Variants in CDKL5 observed in about 807,000 individuals in gnomAD.
CDKL5 encodes the protein cyclin-dependent kinase-like 5.
CDKL5 carries 8 observed loss-of-function variants against 61.7 expected under a neutral mutation model. That is an observed-to-expected ratio of 0.13 (90% CI 0.08 to 0.23). The LOEUF (loss-of-function observed/expected upper bound fraction) is 0.23. Among genes scored for constraint, CDKL5 ranks in the 10% least tolerant of loss-of-function variants. The pLI is 1.00. For missense variants in CDKL5, 440 were observed against 734.5 expected (o/e 0.60, Z 4.63); for synonymous variants, 275 against 272.3 (o/e 1.01, Z -0.10).
intron 4 of CDKL5, among the ~76,000 whole-genome samples, chrX:18,573,725 A>G (rs1291805355): frequency 8.9e-6 from 1 of 111,840 alleles, no homozygotes; most frequent in Non-Finnish European, 1.9e-5. Context: ...TCTTGGTCCT[A>G]ATCTGTGTTC....
intron 3 of CDKL5, among the ~76,000 whole-genome samples, chrX:18,554,414 C>CTT (rs1352845700): frequency 1.1e-4 from 10 of 94,890 alleles, no homozygotes; most frequent in East Asian, 3.3e-4. Context: ...ATTTCACTGT[C>CTT]TTTTTTTTTT....
At chrX:18,500,416 C>T (rs762182451) in intron 1 of CDKL5, among the ~76,000 whole-genome samples, 1 of 111,999 alleles carries the variant, frequency 8.9e-6, no homozygotes, top group African/African-American at 3.2e-5. Context: ...CTAACGATTT[C>T]AAGAGCAAAC....
Position 18,650,592 on chromosome X carries a change from G to A in CDKL5, c.2980G>A (p.Gly994Arg), listed in dbSNP as rs866859766. Residue 994 changes from glycine (G) to arginine (R), a missense_variant and splice_region_variant, in exon 21 of 22, where the codon GGG becomes AGG. Transcript: ENST00000379989. ...TTTCAGCTGCCCAACCCAGCAATCC[G>A]GTAAGCAGAGACTCTAGACCGGTGG... The A allele has an allele frequency of 1.5e-5, 18 of 1,211,471 alleles. No individual in the cohort carries two copies. Among genetic ancestry groups the A allele is most frequent in the South Asian group, 1.1e-4 (6 of 57,032 alleles).
rs1927837042 is a variant in CDKL5 at position 18,647,541 on chromosome X, C to A, written c.2797+1451C>A. 16 of 435,670 alleles carry A rather than the reference C, an allele frequency of 3.7e-5. No individual in the cohort carries two copies. The South Asian group carries it at 5.5e-4, about 15-fold the overall frequency. 35.9% of individuals were successfully genotyped at this position (435,670 alleles called of 1,213,427 possible). ...AATGAAGGATGAAGTAAAGGAATTGCCATAGAGACTCAACAGCCTTTGTAA... is the reference window on the plus strand; with the variant it reads ...AATGAAGGATGAAGTAAAGGAATTGACATAGAGACTCAACAGCCTTTGTAA... On this transcript the variant is annotated intron_variant, in intron 20 of 21. Coordinates refer to the CDKL5 transcript ENST00000379989.
chrX:18,554,459 A>G (rs1445398823), intron 3 of CDKL5, among the ~76,000 whole-genome samples: 12 of 89,468 alleles, frequency 1.3e-4, no homozygotes, highest in African/African-American at 4.9e-4. Context: ...TCTGTCGCCC[A>G]GGCTGGAGTA....
intron 3 of CDKL5, among the ~76,000 whole-genome samples, chrX:18,555,330 AT>A (rs751601918): frequency 3.8e-4 from 42 of 111,558 alleles, no homozygotes; most frequent in Middle Eastern, 4.6e-3. Flanking sequence ...TACAGATTGT[AT>A]TTTTTTTAAG....
intron 3 of CDKL5, among the ~76,000 whole-genome samples, chrX:18,542,659 ATTTT>A (rs199564053): frequency 1.0e-5 from 1 of 95,963 alleles, no homozygotes; most frequent in African/African-American, 4.0e-5. Flanking sequence ...TAATATGATG[ATTTT>A]TTTTTTTTTT....
chrX:18,641,435 A>G (rs928742505), downstream of CDKL5: 4 of 117,626 alleles, frequency 3.4e-5, no homozygotes, highest in Non-Finnish European at 5.3e-5. Flanking sequence ...TTTGTCACGT[A>G]TAGCCTCTCA....
intron 4 of CDKL5, among the ~76,000 whole-genome samples, chrX:18,565,389 TTC>T (rs1402393084): frequency 7.1e-5 from 8 of 112,137 alleles, no homozygotes; most frequent in African/African-American, 2.6e-4. Flanking sequence ...GCTCTCTACT[TTC>T]TGTTCTTTCC....
chrX:18,611,362 G>C, intron 14 of CDKL5, among the ~76,000 whole-genome samples: 1 of 108,063 alleles, frequency 9.3e-6, no homozygotes, highest in East Asian at 2.9e-4. Context: ...GTGAACCCGG[G>C]AGGCGGAGCT....
downstream of CDKL5, among the ~76,000 whole-genome samples, chrX:18,643,829 A>AATATATAT (rs755520723): frequency 2.7e-4 from 29 of 105,876 alleles, no homozygotes; most frequent in African/African-American, 1.0e-3. Flanking sequence ...ATTCATAGCA[A>AATATATAT]ATATATATAT....
At chrX:18,498,113 A>G (rs1472628230) in intron 1 of CDKL5, among the ~76,000 whole-genome samples, 1 of 111,002 alleles carries the variant, frequency 9.0e-6, no homozygotes, top group Non-Finnish European at 1.9e-5. Flanking sequence ...AGCCTTCCAA[A>G]ATGCCGGGCT....
chrX:18,475,225 C>T (rs1298786548), intron 1 of CDKL5, among the ~76,000 whole-genome samples: 1 of 111,584 alleles, frequency 9.0e-6, no homozygotes, highest in Non-Finnish European at 1.9e-5. Flanking sequence ...TCCCAAAGTG[C>T]TGGGATTATA....
chrX:18,465,432 G>C (rs1228985083), intron 1 of CDKL5, among the ~76,000 whole-genome samples: 1 of 111,277 alleles, frequency 9.0e-6, no homozygotes, highest in Non-Finnish European at 1.9e-5. Flanking sequence ...TTGGGAGGCC[G>C]AGGTGGGCGG....
At chrX:18,555,002 C>T (rs185506060) in intron 3 of CDKL5, among the ~76,000 whole-genome samples, 3 of 111,110 alleles carry the variant, frequency 2.7e-5, no homozygotes, top group South Asian at 7.6e-4. Flanking sequence ...AGGTTTGTTA[C>T]GTAGGTATAC....
chrX:18,555,139 T>A (rs1200438143), intron 3 of CDKL5, among the ~76,000 whole-genome samples: 1 of 110,861 alleles, frequency 9.0e-6, no homozygotes, highest in Non-Finnish European at 1.9e-5. Flanking sequence ...GGGCTAGGAC[T>A]GTTGTAGGGA....
At chrX:18,524,207 A>T (rs1397414339) in intron 3 of CDKL5, among the ~76,000 whole-genome samples, 1 of 111,642 alleles carries the variant, frequency 9.0e-6, no homozygotes, top group Non-Finnish European at 1.9e-5. Context: ...AGTATTCATG[A>T]TGTTAGCTAT....
At chrX:18,601,750 G>A (rs892996065) in intron 11 of CDKL5, among the ~76,000 whole-genome samples, 2 of 112,226 alleles carry the variant, frequency 1.8e-5, no homozygotes, top group Non-Finnish European at 3.8e-5. Context: ...TGCTCTGAAT[G>A]TGTTCTTTCT....
chrX:18,477,011 G>A (rs752885846), intron 1 of CDKL5, among the ~76,000 whole-genome samples: 56 of 111,097 alleles, frequency 5.0e-4, no homozygotes, highest in Admixed American at 2.7e-3. Flanking sequence ...CTCGTGATCC[G>A]TCCACCCTGG....
Sources: gnomAD v4.1 joint callset for allele counts (sites outside exome capture counted in the v4.1 genomes callset) on GRCh38, gnomAD v4.1.1 for gene constraint, MANE v1.5 for transcripts, NCBI Gene and HGNC (gene_info 2026-07-23, HGNC 2026-07-21) for gene names.